DPP10: variants seen among roughly 807,000 people sequenced by gnomAD.
DPP10 encodes dipeptidyl peptidase like 10.
DPP10 carries 33 observed loss-of-function variants against 120.9 expected under a neutral mutation model. The ratio of observed to expected loss-of-function variants is 0.27; its 90% CI spans 0.21 to 0.37. The LOEUF is 0.37. Ranked by LOEUF, DPP10 falls within the 10% of genes least tolerant of loss-of-function variation. DPP10 has a pLI of 1.00. For missense variants in DPP10, 816 were observed against 942.8 expected, an observed-to-expected ratio of 0.87 and a Z score of 1.76; for synonymous variants, 337 against 326.1, an observed-to-expected ratio of 1.03 and a Z score of -0.36.
chr2:115,671,830 C>A (rs1313060715), intron 5 of DPP10, among the ~76,000 whole-genome samples: 1 of 152,134 alleles, frequency 6.6e-6, no homozygotes, highest in Non-Finnish European at 1.5e-5. Flanking sequence ...TAGAGACCAG[C>A]AGCTTTGTGA....
At chr2:115,546,477 A>G (rs1166217049) in intron 5 of DPP10, among the ~76,000 whole-genome samples, 1 of 152,080 alleles carries the variant, frequency 6.6e-6, no homozygotes, top group Admixed American at 6.6e-5. Context: ...TTTTCCATTC[A>G]TTTAGGTTTC....
intron 1 of DPP10, among the ~76,000 whole-genome samples, chr2:115,237,980 T>C (rs1244432899): frequency 1.3e-5 from 2 of 152,290 alleles, no homozygotes; most frequent in East Asian, 1.9e-4. Context: ...ATCCAGAAGA[T>C]GTATCTGAGA....
intron 1 of DPP10, among the ~76,000 whole-genome samples, chr2:115,005,525 A>T (rs1487322993): frequency 1.3e-5 from 2 of 151,722 alleles, no homozygotes; most frequent in Non-Finnish European, 2.9e-5. Flanking sequence ...TGCTTAAAGG[A>T]GCTGATGGAG....
At chr2:115,616,012 T>C (rs1369674836) in intron 5 of DPP10, among the ~76,000 whole-genome samples, 1 of 152,184 alleles carries the variant, frequency 6.6e-6, no homozygotes, top group Admixed American at 6.6e-5. Context: ...ATTATTCAGA[T>C]TTGCTTAAAT....
At chr2:115,553,728 A>G (rs1199259535) in intron 5 of DPP10, among the ~76,000 whole-genome samples, 1 of 151,950 alleles carries the variant, frequency 6.6e-6, no homozygotes, top group Non-Finnish European at 1.5e-5. Context: ...ATTGTTTTAT[A>G]TAGACCACAC....
intron 1 of DPP10, among the ~76,000 whole-genome samples, chr2:114,454,585 A>C (rs1416836290): frequency 6.6e-6 from 1 of 152,094 alleles, no homozygotes; most frequent in Non-Finnish European, 1.5e-5. Context: ...TAAGCCTCTC[A>C]ATTGAAGTTT....
At chr2:115,137,363 C>G (rs1349725534) in intron 1 of DPP10, among the ~76,000 whole-genome samples, 1 of 152,212 alleles carries the variant, frequency 6.6e-6, no homozygotes, top group Non-Finnish European at 1.5e-5. Flanking sequence ...GGTATCAGAA[C>G]AGCAATGGGT....
chr2:115,762,136 A>G (rs939541504), intron 11 of DPP10, among the ~76,000 whole-genome samples: 7 of 152,216 alleles, frequency 4.6e-5, no homozygotes, highest in Non-Finnish European at 7.3e-5. Context: ...GGCCATGATT[A>G]TGAGTGAATT....
At chr2:115,790,325 C>T (rs577928517) in intron 17 of DPP10, among the ~76,000 whole-genome samples, 16 of 151,448 alleles carry the variant, frequency 1.1e-4, no homozygotes, top group Admixed American at 6.6e-4. Flanking sequence ...ATGATCCACC[C>T]GCCTCGGCCT....
At chr2:115,330,581 G>A (rs2062663362) in intron 2 of DPP10, among the ~76,000 whole-genome samples, 1 of 152,080 alleles carries the variant, frequency 6.6e-6, no homozygotes, top group South Asian at 2.1e-4. Flanking sequence ...TAACATTTAA[G>A]TCTTTAATCC....
chr2:114,691,835 G>T (rs1699768999), intron 1 of DPP10, among the ~76,000 whole-genome samples: 1 of 151,656 alleles, frequency 6.6e-6, no homozygotes, highest in Non-Finnish European at 1.5e-5. Context: ...CCAGGAATTT[G>T]TCTACCTATT....
intron 1 of DPP10, among the ~76,000 whole-genome samples, chr2:114,526,022 G>C (rs1188338061): frequency 6.6e-6 from 1 of 152,130 alleles, no homozygotes; most frequent in African/African-American, 2.4e-5. Flanking sequence ...GATAAGGTTA[G>C]GAATCTTCAC....
intron 1 of DPP10, among the ~76,000 whole-genome samples, chr2:115,046,064 A>G (rs1705049037): frequency 6.6e-6 from 1 of 152,192 alleles, no homozygotes; most frequent in South Asian, 2.1e-4. Flanking sequence ...GATTCAAACT[A>G]TTGGTAATTT....
intron 1 of DPP10, among the ~76,000 whole-genome samples, chr2:114,545,933 T>G (rs1466952918): frequency 6.6e-6 from 1 of 152,130 alleles, no homozygotes. Context: ...GGGACATTTG[T>G]GCCTTGAATT....
At chr2:115,226,439 A>G (rs1391249042) in intron 1 of DPP10, among the ~76,000 whole-genome samples, 1 of 152,150 alleles carries the variant, frequency 6.6e-6, no homozygotes, top group African/African-American at 2.4e-5. Context: ...ACTTAGTCAT[A>G]ATGTGGCTTT....
intron 1 of DPP10, among the ~76,000 whole-genome samples, chr2:114,991,325 A>G (rs1700743844): frequency 6.6e-6 from 1 of 152,200 alleles, no homozygotes; most frequent in African/African-American, 2.4e-5. Flanking sequence ...GATCCACACC[A>G]GTAGTGTAAG....
At chr2:115,821,609 T>C (rs1027688257) in intron 21 of DPP10, among the ~76,000 whole-genome samples, 25 of 152,040 alleles carry the variant, frequency 1.6e-4, no homozygotes, top group Non-Finnish European at 4.4e-5. Context: ...GTTACTGTTT[T>C]CATTATATGT....
At chr2:114,843,423 C>T (rs1688313428) in intron 1 of DPP10, among the ~76,000 whole-genome samples, 1 of 152,118 alleles carries the variant, frequency 6.6e-6, no homozygotes, top group Non-Finnish European at 1.5e-5. Context: ...TCCACACCTT[C>T]CTGTGCTATG....
chr2:115,421,085 AT>A lies in DPP10; in HGVS notation c.271+77186del, dbSNP rs571965107. Reference sequence around the variant, plus strand: ...TTCTACCCTGTAGTGTAGTGGCCCTATTTTTTTTTTTTTACTTCTCTTTTTC... The same window carrying A: ...TTCTACCCTGTAGTGTAGTGGCCCTATTTTTTTTTTTTACTTCTCTTTTTC... On this transcript the variant is annotated intron_variant, in intron 3 of 25. Transcript: ENST00000410059. Among the ~76,000 whole-genome samples the A allele has an allele frequency of 7.1e-3, 1,019 of 143,106 alleles. 5 individuals carry two copies. The highest frequency in any genetic ancestry group is 0.017 in the East Asian group (86 of 4,932). 93.9% of individuals were successfully genotyped at this position (143,106 alleles called of 152,430 possible).
Sources: allele counts gnomAD v4.1 joint callset (sites outside exome capture counted in the v4.1 genomes callset), GRCh38; gene constraint gnomAD v4.1.1; transcripts MANE v1.5; gene names NCBI Gene and HGNC (gene_info 2026-07-23, HGNC 2026-07-21).